The following TJP2 variants were observed in gnomAD, a reference collection of about 807,000 sequenced individuals.
TJP2 encodes the protein Friedreich ataxia region gene X104 (tight junction protein ZO-2).
Under a neutral mutation model 133.1 loss-of-function variants are expected in TJP2, and 91 were observed. That is an observed-to-expected ratio of 0.68 (90% confidence interval 0.58 to 0.81). TJP2 has a LOEUF of 0.81. Among genes scored for constraint, TJP2 ranks in the 40% least tolerant of loss-of-function variants. The pLI is 0.00. For missense variants in TJP2, 1,541 were observed against 1,565.6 expected (o/e 0.98, Z 0.26); for synonymous variants, 592 against 583.4 (o/e 1.01, Z -0.21).
At chr9:69,210,295 C>G (rs985618612) in intron 1 of TJP2, among the ~76,000 whole-genome samples, 5 of 50,226 alleles carry the variant, frequency 1.0e-4, no homozygotes, top group East Asian at 2.0e-3. Context: ...TCCCCCCCCC[C>G]CCCCAAAAAA....
rs780402332 is a variant in TJP2 at position 69,200,158 on chromosome 9, A to G, written c.61-12390A>G. On this transcript the variant is annotated intron_variant, in intron 1 of 22. Transcript: ENST00000377245. ...ATTAAACAGTTTACTGCCCGGCCGC[A>G]CTGAGTACTCGCAATGTCTTGAACA... Among the ~76,000 whole-genome samples, 15 of 152,272 alleles carry G rather than the reference A, an allele frequency of 9.9e-5. No homozygotes were observed. In the South Asian group the frequency reaches 1.9e-3, roughly 19 times the overall value.
At chr9:69,215,915 AC>A (rs1828336575) in intron 2 of TJP2, among the ~76,000 whole-genome samples, 1 of 152,172 alleles carries the variant, frequency 6.6e-6, no homozygotes, top group Non-Finnish European at 1.5e-5. Flanking sequence ...AAAAACAAAT[AC>A]AATAAGGAAA....
intron 2 of TJP2, among the ~76,000 whole-genome samples, chr9:69,152,261 G>A (rs546047401): frequency 6.6e-6 from 1 of 152,284 alleles, no homozygotes; most frequent in South Asian, 2.1e-4. Flanking sequence ...AGCTAGGAGC[G>A]AGTATTATCT....
chr9:69,196,856 A>G (rs1826594779), intron 1 of TJP2, among the ~76,000 whole-genome samples: 1 of 151,908 alleles, frequency 6.6e-6, no homozygotes, highest in East Asian at 1.9e-4. Flanking sequence ...GACATTTCAC[A>G]TAAATTTGTC....
In TJP2 at chr9:69,227,766, T is replaced by A; in HGVS notation, c.1212T>A (p.Asp404Glu). Residue 404 changes from aspartate (D) to glutamate (E), a missense_variant and splice_region_variant, in exon 8 of 23, where the codon GAT (aspartate) becomes GAA (glutamate). Coordinates refer to ENST00000377245, the MANE Select transcript of TJP2 (RefSeq NM_004817.4). The stretch of plus-strand genomic sequence containing the variant: ...GTCTTTTCTTATTTTTGAAACTAGA[T>A]ATTTCAGAAATAGAGTCAAACCGAT... ...SLNDSDSEIE[D>E]ISEIESNRSF... The A allele has an allele frequency of 6.3e-7, 1 of 1,582,362 alleles. No homozygotes were observed.
At chr9:69,249,744 T>TA (rs1831195354) in intron 20 of TJP2, 1 of 985,060 alleles carries the variant, frequency 1.0e-6, no homozygotes, top group South Asian at 4.7e-5. Context: ...CTCTTCTTGT[T>TA]AAAAAAAGAT....
chr9:69,229,378 T>TGGGGATTGGTTA, intron 10 of TJP2, 128 bp downstream of exon 10: 3 of 873,922 alleles, frequency 3.4e-6, no homozygotes, highest in Non-Finnish European at 3.9e-6. Flanking sequence ...CTGTAACCAA[T>TGGGGATTGGTTA]CCCCATTGGT....
intron 3 of TJP2, 83 bp from the exon 4 acceptor site, chr9:69,218,174 C>A: frequency 8.5e-7 from 1 of 1,179,192 alleles, no homozygotes; most frequent in Non-Finnish European, 1.3e-6. Context: ...GGTCTATTTG[C>A]TGCTTCTATT....
In TJP2 at chr9:69,194,623, A is replaced by G. The variant is rs926007159; in HGVS notation, c.61-17925A>G. ...GGTTACTGTGTTGGACAGCACAGCT[A>G]TAGAACATCGTCACCATGGTAGAAA... On this transcript the variant is annotated intron_variant, in intron 1 of 22. Transcript: ENST00000377245. 4.1e-4 allele frequency among the ~76,000 whole-genome samples: 62 copies of G among 152,228 alleles called. 1 individual carries two copies. Among genetic ancestry groups the G allele is most frequent in the Non-Finnish European group, 1.8e-4 (12 of 68,034 alleles).
chr9:69,234,347 A>T, intron 11 of TJP2, 92 bp from the exon 12 acceptor site: 1 of 1,078,152 alleles, frequency 9.3e-7, no homozygotes, highest in Non-Finnish European at 1.3e-6. Flanking sequence ...GGTCAGTGGC[A>T]TCTTACTATA....
chr9:69,210,299 C>CCCCA (rs377382335), intron 1 of TJP2, among the ~76,000 whole-genome samples: 3 of 28,662 alleles, frequency 1.0e-4, no homozygotes, highest in Non-Finnish European at 1.3e-4. Flanking sequence ...CCCCCCCCCC[C>CCCCA]AAAAAAAAAA....
chr9:69,253,080 A>G, intron 22 of TJP2, 180 bp downstream of exon 22: 1 of 640,260 alleles, frequency 1.6e-6, no homozygotes, highest in Non-Finnish European at 2.8e-6. Flanking sequence ...TCAAAACTTA[A>G]GCATAGTTTG....
chr9:69,235,897 C>T (rs1197918758), intron 12 of TJP2, 131 bp from the exon 13 acceptor site: 2 of 798,626 alleles, frequency 2.5e-6, no homozygotes, highest in Non-Finnish European at 4.2e-6. Flanking sequence ...GGAGCTGTGA[C>T]TCCCATAGGA....
rs781102283 is a variant in TJP2, at chr9:69,254,349, C to T, written c.3548C>T (p.Ala1183Val). 9 of 1,614,136 alleles carry T rather than the reference C, an allele frequency of 5.6e-6. No homozygotes were observed. The East Asian group carries it at 2.0e-4, about 36-fold the overall frequency. The change falls in exon 23 of 23, where the codon GCC (alanine) becomes GTC (valine). Residue 1183 changes from alanine (A) to valine (V), a missense_variant. By Grantham distance (64) the Ala-to-Val change is moderately conservative. Coordinates refer to ENST00000377245, the MANE Select transcript of TJP2 (RefSeq NM_004817.4). ...AAGCGCGGTTACTATGGCCAGTCTG[C>T]CCGATACCGGGACACAGAATTATAG... ...HSKRGYYGQSARYRDTEL is the reference protein window; with the variant it reads ...HSKRGYYGQSVRYRDTEL
chr9:69,140,689 C>T (rs188993699), intron 1 of TJP2, among the ~76,000 whole-genome samples: 19 of 152,334 alleles, frequency 1.2e-4, no homozygotes, highest in African/African-American at 4.6e-4. Flanking sequence ...TGCCAAGATT[C>T]TGAATTCTGT....
chr9:69,251,237 G>C lies in TJP2; in HGVS notation c.3194G>C (p.Gly1065Ala), dbSNP rs1384563415. 1.2e-6 allele frequency: 2 copies of C among 1,614,140 alleles called. No homozygotes were observed. The highest frequency in any genetic ancestry group is 3.3e-5 in the Admixed American group (2 of 60,024). The change falls in exon 21 of 23, where the codon GGA becomes GCA. Residue 1065 changes from glycine (G) to alanine (A), a missense_variant. Transcript: ENST00000377245. ...CCTCCTCAAGAGGGTGAGGAGGTGGGAGAGAGCAGTGAGGAGCAAGATAAT... is the reference window on the plus strand; with the variant it reads ...CCTCCTCAAGAGGGTGAGGAGGTGGCAGAGAGCAGTGAGGAGCAAGATAAT... ...PIPPQEGEEV[G>A]ESSEEQDNAP...
At chr9:69,155,804 T>C (rs1295083084) in intron 2 of TJP2, among the ~76,000 whole-genome samples, 1 of 152,134 alleles carries the variant, frequency 6.6e-6, no homozygotes, top group African/African-American at 2.4e-5. Context: ...CCTCACCCCC[T>C]TAAGAGGATG....
chr9:69,252,929 A>G, intron 22 of TJP2, 29 bp downstream of exon 22: 1 of 1,606,294 alleles, frequency 6.2e-7, no homozygotes, highest in Non-Finnish European at 8.5e-7. Context: ...GTACAGGTCT[A>G]AGGCGGGGAC....
chr9:69,176,920 T>G (rs1185971675), intron 1 of TJP2, among the ~76,000 whole-genome samples: 2 of 150,920 alleles, frequency 1.3e-5, no homozygotes, highest in Non-Finnish European at 2.9e-5. Context: ...AATAGTAATT[T>G]AAAAAGTCAT....
Sources: gnomAD v4.1 joint callset for allele counts (sites outside exome capture counted in the v4.1 genomes callset) on GRCh38, gnomAD v4.1.1 for gene constraint, MANE v1.5 for transcripts, NCBI Gene and HGNC (gene_info 2026-07-23, HGNC 2026-07-21) for gene names.